E2F3: variants seen among roughly 807,000 people sequenced by gnomAD.
E2F3 encodes the protein transcription factor E2F3.
Under a neutral mutation model 44.4 loss-of-function variants are expected in E2F3, and 11 were observed. The ratio of observed to expected loss-of-function variants is 0.25; its 90% CI spans 0.16 to 0.41. The LOEUF (loss-of-function observed/expected upper bound fraction) is 0.41, where lower values mean the gene tolerates loss of function less well. Among genes scored for constraint, E2F3 ranks in the 10% least tolerant of loss-of-function variants. The probability of loss-of-function intolerance (pLI) is 1.00; values close to 1 mark genes in which losing one functional copy is unlikely to be tolerated. For synonymous variants in E2F3, 249 were observed against 253.0 expected, an observed-to-expected ratio of 0.98 and a Z score of 0.15; for missense variants, 487 against 583.6, an observed-to-expected ratio of 0.83 and a Z score of 1.70.
chr6:20,468,346 T>G (rs1213415038), intron 1 of E2F3, among the ~76,000 whole-genome samples: 1 of 152,218 alleles, frequency 6.6e-6, no homozygotes, highest in Admixed American at 6.5e-5. Flanking sequence ...TCAGTTAATT[T>G]GCTAGAGCAG....
chr6:20,438,519 A>G (rs1470060521), intron 1 of E2F3, among the ~76,000 whole-genome samples: 2 of 152,172 alleles, frequency 1.3e-5, no homozygotes, highest in Non-Finnish European at 2.9e-5. Flanking sequence ...CATTTGGTAT[A>G]TGAAAGCTGC....
chr6:20,437,627 AT>A (rs1760634632), intron 1 of E2F3, among the ~76,000 whole-genome samples: 2 of 152,132 alleles, frequency 1.3e-5, no homozygotes, highest in Non-Finnish European at 2.9e-5. Flanking sequence ...TTAGAACCCT[AT>A]TTTTGTTAAG....
intron 1 of E2F3, among the ~76,000 whole-genome samples, chr6:20,427,937 A>G (rs2127592131): frequency 6.6e-6 from 1 of 152,324 alleles, no homozygotes; most frequent in East Asian, 1.9e-4. Context: ...CCAGCACAGC[A>G]GGCCTCGGTG....
chr6:20,426,498 C>T (rs1315806489), intron 1 of E2F3, among the ~76,000 whole-genome samples: 1 of 151,930 alleles, frequency 6.6e-6, no homozygotes, highest in Non-Finnish European at 1.5e-5. Flanking sequence ...TTATTTAGCA[C>T]TTGCCGCCCC....
chr6:20,425,576 A>T (rs1760188494), intron 1 of E2F3, among the ~76,000 whole-genome samples: 1 of 151,938 alleles, frequency 6.6e-6, no homozygotes, highest in Non-Finnish European at 1.5e-5. Context: ...TTTAGTAGAG[A>T]CGGGGTTTCA....
chr6:20,435,436 A>G (rs1293762318), intron 1 of E2F3, among the ~76,000 whole-genome samples: 1 of 152,240 alleles, frequency 6.6e-6, no homozygotes, highest in Non-Finnish European at 1.5e-5. Context: ...TTCAAAAGAT[A>G]GGGAAAAATA....
At chr6:20,468,206 C>T (rs1311555106) in intron 1 of E2F3, among the ~76,000 whole-genome samples, 1 of 152,188 alleles carries the variant, frequency 6.6e-6, no homozygotes, top group Non-Finnish European at 1.5e-5. Context: ...TGTCACATCA[C>T]ACAGATTGAG....
intron 1 of E2F3, among the ~76,000 whole-genome samples, chr6:20,408,609 T>G (rs1004662234): frequency 6.6e-6 from 1 of 152,208 alleles, no homozygotes. Context: ...TGAAGGCCAC[T>G]GGTTGCCAGA....
chr6:20,490,484 A>G lies in E2F3; in HGVS notation c.*54A>G. On this transcript the variant is annotated 3_prime_UTR_variant, in exon 7 of 7. Coordinates refer to ENST00000346618, the MANE Select transcript of E2F3 (RefSeq NM_001949.5). This position sits in a 1 kb window ranked among gnomAD's most constrained non-coding sequence, Gnocchi z 4.3. ...ACCGATATTTTTTTATCATGGAACC[A>G]GAACATCTGTCATGCAGTGTTGTCC... is the stretch of plus-strand genomic sequence containing the variant. The G allele has an allele frequency of 6.6e-7, 1 of 1,510,242 alleles. No homozygotes were observed. Among genetic ancestry groups the G allele is most frequent in the Non-Finnish European group, 8.9e-7 (1 of 1,125,264 alleles). 93.6% of individuals were successfully genotyped at this position (1,510,242 alleles called of 1,614,324 possible). A position where few individuals can be genotyped will look rare whatever the true frequency, so the allele number is the denominator to read the frequency against.
intron 6 of E2F3, among the ~76,000 whole-genome samples, chr6:20,489,539 T>C (rs550891404): frequency 6.6e-6 from 1 of 152,356 alleles, no homozygotes; most frequent in South Asian, 2.1e-4. Context: ...AGTATGTATA[T>C]ATTGTTTTGT....
chr6:20,478,486 G>A (rs985762831), intron 1 of E2F3, among the ~76,000 whole-genome samples: 1 of 152,204 alleles, frequency 6.6e-6, no homozygotes, highest in African/African-American at 2.4e-5. Context: ...TATTACTTAC[G>A]TTTTCACATC....
At chr6:20,457,973 A>G (rs1224130737) in intron 1 of E2F3, among the ~76,000 whole-genome samples, 1 of 152,128 alleles carries the variant, frequency 6.6e-6, no homozygotes, top group African/African-American at 2.4e-5. Context: ...CATTTTTCAT[A>G]GCAATTTGTC....
chr6:20,473,646 G>GT lies in E2F3; in HGVS notation c.394-6199dup, dbSNP rs752629056. 2.6e-5 allele frequency among the ~76,000 whole-genome samples: 4 copies of GT among 152,296 alleles called. No homozygotes were observed. In the East Asian group the frequency reaches 7.7e-4, roughly 29 times the overall value. ...GGCATGTGTGCCTTTGGGTATGGCT[G>GT]TATCTAGCACCTCCCTTGAAGGGAT... On this transcript the variant is annotated intron_variant, in intron 1 of 6. Transcript: ENST00000346618.
At position 20,461,383 on chromosome 6, in the gene E2F3, A is replaced by T. The variant is rs950167335; in HGVS notation, c.394-18463A>T. Among the ~76,000 whole-genome samples, 3 of 152,122 alleles carry T rather than the reference A, an allele frequency of 2.0e-5. No homozygotes were observed. The East Asian group carries it at 5.8e-4, about 29-fold the overall frequency. On this transcript the variant is annotated intron_variant, in intron 1 of 6. Coordinates refer to ENST00000346618, the MANE Select transcript of E2F3 (RefSeq NM_001949.5). ...GTGGTGGGCACCTGTAGTCCCAGCC[A>T]CTTGGGAGGCTGAGGCGGGAGAATG...
At chr6:20,470,365 A>C (rs906203794) in intron 1 of E2F3, among the ~76,000 whole-genome samples, 1 of 152,220 alleles carries the variant, frequency 6.6e-6, no homozygotes, top group Non-Finnish European at 1.5e-5. Flanking sequence ...GGCTTGGTAC[A>C]TAGCAGGCAC....
chr6:20,435,687 G>T (rs578192893), intron 1 of E2F3, among the ~76,000 whole-genome samples: 26 of 152,130 alleles, frequency 1.7e-4, no homozygotes, highest in Non-Finnish European at 3.2e-4. Context: ...GGAGGTGGAG[G>T]TTGCAGTGAG....
chr6:20,429,379 A>G (rs545813783), intron 1 of E2F3, among the ~76,000 whole-genome samples: 1 of 152,360 alleles, frequency 6.6e-6, no homozygotes, highest in African/African-American at 2.4e-5. Flanking sequence ...GGTTCTGAGT[A>G]GCATCATTAA....
rs1225774668 is a variant in E2F3 at position 20,412,108 on chromosome 6, C to G, written c.393+9483C>G. ...AGACAAGCTTTAAACACAAGTTGAT[C>G]TGCAAGCAAGACTAAACAGGCGGTA... On this transcript the variant is annotated intron_variant, in intron 1 of 6. Coordinates refer to ENST00000346618, the MANE Select transcript of E2F3 (RefSeq NM_001949.5). 5.9e-5 allele frequency among the ~76,000 whole-genome samples: 9 copies of G among 152,282 alleles called. No individual in the cohort carries two copies. The East Asian group carries it at 1.7e-3, about 29-fold the overall frequency.
Position 20,490,077 on chromosome 6 carries a change from T to C in E2F3, c.1136-91T>C. 4 of 1,397,220 alleles carry C rather than the reference T, an allele frequency of 2.9e-6. No individual in the cohort carries two copies. The highest frequency in any genetic ancestry group is 2.9e-6 in the Non-Finnish European group (3 of 1,036,432). The allele number at this position is 1,397,220 out of a possible 1,614,324, so 86.6% of individuals were successfully genotyped here. A position where few individuals can be genotyped will look rare whatever the true frequency, so the allele number is the denominator to read the frequency against. On this transcript the variant is annotated intron_variant, in intron 6 of 6. Transcript: ENST00000346618. The surrounding 1 kb of genome is among the most constrained non-coding windows in gnomAD (Gnocchi z 4.3). ...GTCATTATTTGCGGAAGGTACATGC[T>C]TTTTTCTAACAGCAACATATACATT...
Sources: allele counts gnomAD v4.1 joint callset (sites outside exome capture counted in the v4.1 genomes callset), GRCh38; gene constraint gnomAD v4.1.1; non-coding constraint Gnocchi (gnomAD v3.1); transcripts MANE v1.5; gene names NCBI Gene and HGNC (gene_info 2026-07-23, HGNC 2026-07-21).